EGFLAM: variants seen among roughly 807,000 people sequenced by gnomAD.
EGFLAM encodes EGF like, fibronectin type III and laminin G domains.
A neutral mutation model predicts 113.1 loss-of-function variants in EGFLAM; 79 were observed. The ratio of observed to expected loss-of-function variants is 0.70; its 90% CI spans 0.58 to 0.84. EGFLAM has a LOEUF of 0.84. Among genes scored for constraint, EGFLAM ranks in the 40% least tolerant of loss-of-function variants. EGFLAM has a pLI of 0.00. For missense variants in EGFLAM, 1,265 were observed against 1,291.6 expected (o/e 0.98, Z 0.32); for synonymous variants, 504 against 487.6 (o/e 1.03, Z -0.44).
At chr5:38,369,577 G>A (rs1740151856) in intron 5 of EGFLAM, among the ~76,000 whole-genome samples, 1 of 152,192 alleles carries the variant, frequency 6.6e-6, no homozygotes. Context: ...GTCCTCTTAG[G>A]TAGATCCTTT....
chr5:38,303,364 C>T (rs2367215), intron 1 of EGFLAM, among the ~76,000 whole-genome samples: 27,199 of 152,142 alleles, frequency 0.18, 2,574 homozygotes, highest in Middle Eastern at 0.21. Flanking sequence ...CAGTAATTTA[C>T]GACTGGAAGA....
In EGFLAM at chr5:38,331,831, A is replaced by G. The variant is rs537516371; in HGVS notation, c.98-5689A>G. ...CAATTTATTTATCCATTCACCTACT[A>G]TAGAACTTCTTGTTTACTTCCAAGT... On this transcript the variant is annotated intron_variant, in intron 1 of 21. Coordinates refer to ENST00000322350, the MANE Select transcript of EGFLAM (RefSeq NM_152403.4). 8.4e-4 allele frequency among the ~76,000 whole-genome samples: 128 copies of G among 152,298 alleles called. 1 individual carries two copies. The highest frequency in any genetic ancestry group is 3.0e-3 in the African/African-American group (123 of 41,546).
chr5:38,309,288 A>G (rs970770532), intron 1 of EGFLAM, among the ~76,000 whole-genome samples: 4 of 152,202 alleles, frequency 2.6e-5, no homozygotes, highest in African/African-American at 7.2e-5. Context: ...TGGTATGAGT[A>G]TTTACACCAC....
intron 6 of EGFLAM, among the ~76,000 whole-genome samples, chr5:38,404,266 C>T (rs1741207846): frequency 6.6e-6 from 1 of 152,142 alleles, no homozygotes; most frequent in African/African-American, 2.4e-5. Context: ...AATCCTAACC[C>T]CCAAGGAGGG....
intron 5 of EGFLAM, 132 bp from the exon 6 acceptor site, chr5:38,370,164 T>A: frequency 1.1e-6 from 1 of 893,294 alleles, no homozygotes; most frequent in South Asian, 1.9e-5. Flanking sequence ...TACTTTCAGA[T>A]AGGAAATGTT....
intron 17 of EGFLAM, among the ~76,000 whole-genome samples, chr5:38,439,111 G>A (rs79320453): frequency 0.092 from 13,994 of 152,224 alleles, 908 homozygotes; most frequent in Non-Finnish European, 0.13. Context: ...GGCCTGGTAA[G>A]TACTCAAGCA....
intron 1 of EGFLAM, among the ~76,000 whole-genome samples, chr5:38,303,861 C>T (rs1363726028): frequency 6.6e-6 from 1 of 152,044 alleles, no homozygotes; most frequent in Non-Finnish European, 1.5e-5. Flanking sequence ...ATAGCCTTGG[C>T]ATGGTGGCTC....
intron 17 of EGFLAM, among the ~76,000 whole-genome samples, chr5:38,446,919 G>C (rs1045461982): frequency 6.6e-6 from 1 of 151,968 alleles, no homozygotes; most frequent in Admixed American, 6.6e-5. Flanking sequence ...TTCCTCTCTG[G>C]GGTGGAGAGT....
At chr5:38,403,590 G>C in intron 6 of EGFLAM, 1 of 466,388 alleles carries the variant, frequency 2.1e-6, no homozygotes, top group Non-Finnish European at 3.8e-6. Flanking sequence ...ATGGAGCACG[G>C]ATATGCCAGA....
chr5:38,339,705 G>A (rs1739285411), intron 3 of EGFLAM, among the ~76,000 whole-genome samples: 1 of 152,176 alleles, frequency 6.6e-6, no homozygotes, highest in African/African-American at 2.4e-5. Flanking sequence ...ACATTAGCGA[G>A]TAACAGCATC....
chr5:38,332,919 T>C (rs1236946102), intron 1 of EGFLAM, among the ~76,000 whole-genome samples: 1 of 152,220 alleles, frequency 6.6e-6, no homozygotes, highest in African/African-American at 2.4e-5. Flanking sequence ...AGATTTTGTT[T>C]ATGGCCGGTT....
chr5:38,414,739 G>A (rs894978086), intron 11 of EGFLAM, among the ~76,000 whole-genome samples: 1 of 152,204 alleles, frequency 6.6e-6, no homozygotes, highest in Non-Finnish European at 1.5e-5. Context: ...GAGAAGAGAA[G>A]ATGAAGGCAT....
At chr5:38,407,557 A>G (rs528556956) in intron 8 of EGFLAM, among the ~76,000 whole-genome samples, 1 of 152,232 alleles carries the variant, frequency 6.6e-6, no homozygotes, top group East Asian at 1.9e-4. Flanking sequence ...CCCTAATGCC[A>G]TTGGTTTCTT....
intron 17 of EGFLAM, among the ~76,000 whole-genome samples, chr5:38,445,865 C>T (rs1742692353): frequency 6.6e-6 from 1 of 152,184 alleles, no homozygotes; most frequent in Non-Finnish European, 1.5e-5. Context: ...CTCTCCTGAG[C>T]TGGGGGCTGA....
At chr5:38,335,035 C>T (rs960667233) in intron 1 of EGFLAM, among the ~76,000 whole-genome samples, 2 of 151,922 alleles carry the variant, frequency 1.3e-5, no homozygotes, top group Non-Finnish European at 2.9e-5. Flanking sequence ...AAAGGGCAGC[C>T]CCCACAAAAA....
chr5:38,352,140 C>G (rs1244573733), intron 4 of EGFLAM, 56 bp from the exon 5 acceptor site: 1 of 1,610,056 alleles, frequency 6.2e-7, no homozygotes, highest in Non-Finnish European at 8.5e-7. Context: ...CCCATTAAAC[C>G]TCTCCAACGG....
At position 38,298,390 on chromosome 5, in the gene EGFLAM, C is replaced by T. The variant is rs140716899; in HGVS notation, c.98-39130C>T. Among the ~76,000 whole-genome samples, 94 of 152,288 alleles carry T rather than the reference C, an allele frequency of 6.2e-4. No individual in the cohort carries two copies. The Middle Eastern group carries it at 0.017, about 28-fold the overall frequency. ...TCAGCTCCTTGTACCTTCTCTGCCTCTCCCTAGGGGCATGGTGCTGTACAA... is the reference window on the plus strand; with the variant it reads ...TCAGCTCCTTGTACCTTCTCTGCCTTTCCCTAGGGGCATGGTGCTGTACAA... On this transcript the variant is annotated intron_variant, in intron 1 of 21. Transcript: ENST00000322350.
intron 1 of EGFLAM, among the ~76,000 whole-genome samples, chr5:38,285,322 A>G (rs185713478): frequency 5.6e-4 from 85 of 152,334 alleles, no homozygotes; most frequent in African/African-American, 2.0e-3. Context: ...CAATCACCTT[A>G]GTTTTTACAG....
chr5:38,428,384 A>G (rs1742082729), intron 14 of EGFLAM, among the ~76,000 whole-genome samples: 1 of 152,232 alleles, frequency 6.6e-6, no homozygotes, highest in Non-Finnish European at 1.5e-5. Context: ...GAATTCCTGC[A>G]CATCAGTGAC....
Sources: allele counts gnomAD v4.1 joint callset (sites outside exome capture counted in the v4.1 genomes callset), GRCh38; gene constraint gnomAD v4.1.1; transcripts MANE v1.5; gene names NCBI Gene and HGNC (gene_info 2026-07-23, HGNC 2026-07-21).